SAMD4B: variants seen among roughly 807,000 people sequenced by gnomAD.
SAMD4B encodes the protein sterile alpha motif domain containing 4B.
A neutral mutation model predicts 74.5 loss-of-function variants in SAMD4B; 5 were observed. The observed-to-expected ratio is 0.07, with a 90% CI of 0.04 to 0.14. SAMD4B has a LOEUF of 0.14. Ranked by LOEUF, SAMD4B falls within the 10% of genes least tolerant of loss-of-function variation. The pLI, the probability that SAMD4B is intolerant of heterozygous loss-of-function variation, is 1.00. For synonymous variants in SAMD4B, 373 were observed against 374.9 expected (o/e 1.00, Z 0.06); for missense variants, 608 against 921.8 (o/e 0.66, Z 4.41).
chr19:39,359,391 C>G (rs1405587955), intron 3 of SAMD4B, among the ~76,000 whole-genome samples: 2 of 152,140 alleles, frequency 1.3e-5, no homozygotes, highest in African/African-American at 4.8e-5. Flanking sequence ...GGTTTTTCTT[C>G]CAGACTTCAC....
chr19:39,349,470 C>G (rs1431536844), intron 1 of SAMD4B, among the ~76,000 whole-genome samples: 1 of 152,156 alleles, frequency 6.6e-6, no homozygotes, highest in African/African-American at 2.4e-5. Context: ...TTCTCCTCTC[C>G]TCTCCCTCCC....
rs183707174 is a variant in SAMD4B at position 39,347,039 on chromosome 19, T to G, written c.-267+4463T>G. ...TCTAAAAACATAAAGTGATAGAACC[T>G]TAGCTCAAAGTGGTTTAATGAAAAA... On this transcript the variant is annotated intron_variant, in intron 1 of 13. Transcript: ENST00000610417. Among the ~76,000 whole-genome samples the G allele has an allele frequency of 8.4e-4, 128 of 152,278 alleles. No homozygotes were observed. In the East Asian group the frequency reaches 0.019, roughly 23 times the overall value.
chr19:39,359,076 C>G (rs759754375), intron 3 of SAMD4B, among the ~76,000 whole-genome samples: 9 of 152,292 alleles, frequency 5.9e-5, no homozygotes, highest in East Asian at 5.8e-4. Flanking sequence ...GCAGCAGGCT[C>G]GGAGCTCAGC....
chr19:39,382,067 T>TCTGGAATGGG (rs1435047613), intron 12 of SAMD4B, among the ~76,000 whole-genome samples: 1 of 151,838 alleles, frequency 6.6e-6, no homozygotes, highest in African/African-American at 2.4e-5. Flanking sequence ...ATAAGGCTCG[T>TCTGGAATGGG]CTGGAATGGG....
intron 7 of SAMD4B, 71 bp downstream of exon 7, chr19:39,376,862 A>C: frequency 1.5e-6 from 2 of 1,372,960 alleles, no homozygotes; most frequent in Non-Finnish European, 2.1e-6. Context: ...AAAGGCCCTG[A>C]GTTGGCCTCC....
At chr19:39,370,913 G>A (rs1029998731) in intron 4 of SAMD4B, among the ~76,000 whole-genome samples, 1 of 152,226 alleles carries the variant, frequency 6.6e-6, no homozygotes, top group Admixed American at 6.5e-5. Context: ...AAAGTCACAC[G>A]TAGAACAAGT....
downstream of SAMD4B, chr19:39,388,336 T>C: frequency 1.2e-6 from 2 of 1,614,102 alleles, no homozygotes; most frequent in Non-Finnish European, 1.7e-6. Context: ...GTGTGCTGAG[T>C]ACCTGGTTTC....
chr19:39,385,523 C>T lies in SAMD4B; in HGVS notation c.*1996C>T. The T allele has an allele frequency of 2.1e-6, 1 of 472,570 alleles. No homozygotes were observed. The highest frequency in any genetic ancestry group is 4.9e-5 in the South Asian group (1 of 20,410). The allele number at this position is 472,570 out of a possible 1,614,324, so 29.3% of individuals were successfully genotyped here. A position where few individuals can be genotyped will look rare whatever the true frequency, so the allele number is the denominator to read the frequency against. On this transcript the variant is annotated 3_prime_UTR_variant, in exon 14 of 14. Coordinates refer to ENST00000610417, the MANE Select transcript of SAMD4B (RefSeq NM_001384574.2). Reference sequence around the variant, plus strand: ...CTCCCGCTCCAGCCCCCTCCCCAGGCCCTCCTCCATGATTTCACCCTCCCT... The same window carrying T: ...CTCCCGCTCCAGCCCCCTCCCCAGGTCCTCCTCCATGATTTCACCCTCCCT...
chr19:39,365,378 A>G (rs2076900980), intron 3 of SAMD4B, among the ~76,000 whole-genome samples: 1 of 151,688 alleles, frequency 6.6e-6, no homozygotes, highest in African/African-American at 2.4e-5. Context: ...ATATGGCAAA[A>G]GCCCGTCTCT....
In SAMD4B at chr19:39,380,702, G is replaced by A; in HGVS notation, c.1765G>A (p.Gly589Ser). 1 of 1,612,414 alleles carries A rather than the reference G, an allele frequency of 6.2e-7. No homozygotes were observed. Among genetic ancestry groups the A allele is most frequent in the East Asian group, 2.2e-5 (1 of 44,856 alleles). The change falls in exon 11 of 14, where the codon GGC (glycine) becomes AGC (serine). Residue 589 changes from glycine (G) to serine (S), a missense_variant. By Grantham distance (56) the Gly-to-Ser change is moderately conservative. Coordinates refer to ENST00000610417, the MANE Select transcript of SAMD4B (RefSeq NM_001384574.2). ...CCGGGCCCTCCCACCCGGCCGGATG[G>A]GCCTCCTGAGCCCCTCGGGCATTGG... ...PPRALPPGRM[G>S]LLSPSGIGGV... is the part of the protein sequence containing the mutation.
chr19:39,342,635 C>T, intron 1 of SAMD4B, 59 bp downstream of exon 1: 1 of 147,362 alleles, frequency 6.8e-6, no homozygotes, highest in Non-Finnish European at 1.5e-5. Flanking sequence ...CGGGGCTCCC[C>T]TCAGGGCGAC....
rs750311470 is a variant in SAMD4B at position 39,383,623 on chromosome 19, G to T, written c.*96G>T. 6 of 1,612,588 alleles carry T rather than the reference G, an allele frequency of 3.7e-6. No individual in the cohort carries two copies. The highest frequency in any genetic ancestry group is 5.1e-6 in the Non-Finnish European group (6 of 1,179,626). Reference sequence around the variant, plus strand: ...TCCGCGACAGCGAGAGGGTGGGCTGGCTCAGCTATATATTCTAATATTTTT... The same window carrying T: ...TCCGCGACAGCGAGAGGGTGGGCTGTCTCAGCTATATATTCTAATATTTTT... On this transcript the variant is annotated 3_prime_UTR_variant, in exon 14 of 14. Coordinates refer to ENST00000610417, the MANE Select transcript of SAMD4B (RefSeq NM_001384574.2). This position sits in a 1 kb window ranked among gnomAD's most constrained non-coding sequence, Gnocchi z 4.1.
chr19:39,373,648 C>G lies in SAMD4B; in HGVS notation c.668-2002C>G, dbSNP rs373797283. Among the ~76,000 whole-genome samples, 9 of 152,252 alleles carry G rather than the reference C, an allele frequency of 5.9e-5. No individual in the cohort carries two copies. In the South Asian group the frequency reaches 1.7e-3, roughly 28 times the overall value. Reference sequence around the variant, plus strand: ...GTCTGGGAGCTCATGGGAACCTGCCCTGTCTTGGGAGTGGTTAAAAATCAA... The same window carrying G: ...GTCTGGGAGCTCATGGGAACCTGCCGTGTCTTGGGAGTGGTTAAAAATCAA... On this transcript the variant is annotated intron_variant, in intron 4 of 13. Transcript: ENST00000610417.
downstream of SAMD4B, chr19:39,388,821 T>C: frequency 6.2e-7 from 1 of 1,614,180 alleles, no homozygotes; most frequent in Non-Finnish European, 8.5e-7. Flanking sequence ...CCTTGGGGGC[T>C]GGGTCTGAGT....
At chr19:39,382,844 CAG>C (rs1324369876) in intron 12 of SAMD4B, among the ~76,000 whole-genome samples, 4 of 152,184 alleles carry the variant, frequency 2.6e-5, no homozygotes, top group Non-Finnish European at 5.9e-5. Context: ...GGTCTTCAAT[CAG>C]GGAGCCTTGG....
intron 12 of SAMD4B, among the ~76,000 whole-genome samples, chr19:39,382,429 C>A (rs1230958317): frequency 6.7e-6 from 1 of 149,388 alleles, no homozygotes; most frequent in Non-Finnish European, 1.5e-5. Context: ...TGCCCAAGTT[C>A]AAAAAAAAAA....
rs756235716 is a variant in SAMD4B, at chr19:39,356,889, G to T, written c.-5G>T. On this transcript the variant is annotated 5_prime_UTR_variant, in exon 3 of 14. Transcript: ENST00000610417. ...TCCCCCGACCCTGGCCCCAGGCCCG[G>T]CACCATGATGTTCCGAGACCAGGTG... 1.9e-6 allele frequency: 3 copies of T among 1,602,798 alleles called. No homozygotes were observed. In the South Asian group the frequency reaches 3.3e-5, roughly 18 times the overall value.
rs1353110122 is a variant in SAMD4B at position 39,385,678 on chromosome 19, A to C, written c.*2151A>C. ...TGGTCTGGGCTTATTTTGGAAAAAA[A>C]AAAAACAAACAAAAAAAACGAATTC... On this transcript the variant is annotated 3_prime_UTR_variant, in exon 14 of 14. Transcript: ENST00000610417. 7.4e-6 allele frequency: 4 copies of C among 538,252 alleles called. No individual in the cohort carries two copies. Among genetic ancestry groups the C allele is most frequent in the East Asian group, 5.9e-5 (2 of 33,802 alleles). The allele number at this position is 538,252 out of a possible 1,614,324, so 33.3% of individuals were successfully genotyped here.
At position 39,376,416 on chromosome 19, in the gene SAMD4B, ACT is replaced by A; in HGVS notation, c.908-17_908-16del. 6.3e-7 allele frequency: 1 copy of A among 1,590,830 alleles called. No homozygotes were observed. Among genetic ancestry groups the A allele is most frequent in the Non-Finnish European group, 8.6e-7 (1 of 1,165,066 alleles). The stretch of plus-strand genomic sequence containing the variant: ...ATCTGGGCCAAACTCCTGACCTTTC[ACT>A]CTCCCTCCTTTGCCAAAGATGTGCC... On this transcript the variant is annotated intron_variant, in intron 5 of 13. Coordinates refer to ENST00000610417, the MANE Select transcript of SAMD4B (RefSeq NM_001384574.2).
Sources: gnomAD v4.1 joint callset for allele counts (sites outside exome capture counted in the v4.1 genomes callset) on GRCh38, gnomAD v4.1.1 for gene constraint, Gnocchi (gnomAD v3.1) non-coding constraint, MANE v1.5 for transcripts, NCBI Gene and HGNC (gene_info 2026-07-23, HGNC 2026-07-21) for gene names.